PCDHA10: variants seen among roughly 807,000 people sequenced by gnomAD.
PCDHA10 encodes protocadherin alpha 10, also known as protocadherin alpha-10.
Under a neutral mutation model 61.2 loss-of-function variants are expected in PCDHA10, and 45 were observed. The ratio of observed to expected loss-of-function variants is 0.74; its 90% CI spans 0.58 to 0.94. The LOEUF (loss-of-function observed/expected upper bound fraction) is 0.94, where lower values mean the gene tolerates loss of function less well. PCDHA10 is among the 40% of genes least tolerant of loss of function. The pLI, the probability that PCDHA10 is intolerant of heterozygous loss-of-function variation, is 0.00. For synonymous variants in PCDHA10, 602 were observed against 548.8 expected (o/e 1.10, Z -1.35); for missense variants, 1,278 against 1,236.2 (o/e 1.03, Z -0.51).
chr5:140,870,736 A>G lies in PCDHA10; in HGVS notation c.2388+12300A>G, dbSNP rs201357017. ...GCGCGATGCGGGCGTGCCGCCTCTG[A>G]GCAGCAACGTGACGCTGCAGGTGTT... On this transcript the variant is annotated intron_variant, in intron 1 of 3. Transcript: ENST00000307360. 8.7e-4 allele frequency: 1,399 copies of G among 1,613,426 alleles called. 10 individuals carry two copies. In the African/African-American group the frequency reaches 0.015, roughly 17 times the overall value.
At chr5:140,877,103 C>T (rs782607272) in intron 1 of PCDHA10, 7 of 1,613,552 alleles carry the variant, frequency 4.3e-6, no homozygotes, top group Non-Finnish European at 5.9e-6. Flanking sequence ...GGCGTGCCGC[C>T]TCTGGGCAGC....
chr5:140,950,826 G>A (rs1554219646), intron 1 of PCDHA10, among the ~76,000 whole-genome samples: 1 of 151,824 alleles, frequency 6.6e-6, no homozygotes, highest in African/African-American at 2.4e-5. Flanking sequence ...TTAAAGTTTG[G>A]TCCTTTAAGA....
At chr5:140,910,699 C>T (rs2075133738) in intron 1 of PCDHA10, among the ~76,000 whole-genome samples, 1 of 152,180 alleles carries the variant, frequency 6.6e-6, no homozygotes. Flanking sequence ...AGCTTGCTCA[C>T]AGTGGGCCAT....
chr5:140,998,781 C>G (rs1554256464), intron 3 of PCDHA10, among the ~76,000 whole-genome samples: 1 of 152,162 alleles, frequency 6.6e-6, no homozygotes, highest in East Asian at 1.9e-4. Context: ...TCAGGCTGGT[C>G]TGGAACCCCT....
chr5:140,978,894 C>G, intron 1 of PCDHA10, 55 bp from the exon 2 acceptor site: 1 of 1,612,598 alleles, frequency 6.2e-7, no homozygotes, highest in South Asian at 1.1e-5. Flanking sequence ...AGCAGCATTC[C>G]TGGGAGAACA....
At chr5:140,858,633 TTTGA>T (rs1554151907) in intron 1 of PCDHA10, 197 bp downstream of exon 1, 1 of 1,010,458 alleles carries the variant, frequency 9.9e-7, no homozygotes, top group Non-Finnish European at 1.4e-6. Context: ...TGTGTCAGCC[TTTGA>T]TTGGTACTTA....
rs1395280300 is a variant in PCDHA10, at chr5:140,857,152, T to C, written c.1104T>C (p.Ile368=). The part of the protein sequence containing the change: ...VKEDAQVGTV[I]ALISVSDHDS... ...AAGATGCTCAAGTGGGCACCGTCAT[T>C]GCCCTAATCAGCGTTTCTGACCATG... Residue 368 remains isoleucine, a synonymous_variant, in exon 1 of 4, where the codon ATT becomes ATC. Coordinates refer to ENST00000307360, the MANE Select transcript of PCDHA10 (RefSeq NM_018901.4). The C allele has an allele frequency of 3.8e-6, 6 of 1,598,324 alleles. 1 individual carries two copies. In the Admixed American group the frequency reaches 8.4e-5, roughly 22 times the overall value.
chr5:140,857,428 G>A lies in PCDHA10; in HGVS notation c.1380G>A (p.Thr460=), dbSNP rs782142394. The change falls in exon 1 of 4, where the codon ACG becomes ACA. Residue 460 remains threonine, a synonymous_variant. Coordinates refer to ENST00000307360, the MANE Select transcript of PCDHA10 (RefSeq NM_018901.4). ...CTGCGTTCGCGCAGTCCGAGTACACGGTGTTCGTGAAGGAGAACAACCCGC... is the reference window on the plus strand; with the variant it reads ...CTGCGTTCGCGCAGTCCGAGTACACAGTGTTCGTGAAGGAGAACAACCCGC... The part of the protein sequence containing the change: ...NAPAFAQSEY[T]VFVKENNPPG... The A allele has an allele frequency of 3.8e-6, 6 of 1,598,456 alleles. 1 individual carries two copies. Among genetic ancestry groups the A allele is most frequent in the Non-Finnish European group, 5.1e-6 (6 of 1,167,860 alleles).
At chr5:140,978,713 A>G (rs2096819329) in intron 1 of PCDHA10, among the ~76,000 whole-genome samples, 1 of 152,272 alleles carries the variant, frequency 6.6e-6, no homozygotes, top group Admixed American at 6.5e-5. Flanking sequence ...GGCCTTTACA[A>G]GATTATTAAA....
At position 140,882,346 on chromosome 5, in the gene PCDHA10, G is replaced by C. The variant is rs146510190; in HGVS notation, c.2388+23910G>C. 1,878 of 1,614,194 alleles carry C rather than the reference G, an allele frequency of 1.2e-3. 37 individuals are homozygous for C. In the South Asian group the frequency reaches 0.019, roughly 17 times the overall value. On this transcript the variant is annotated intron_variant, in intron 1 of 3. Transcript: ENST00000307360. ...TTCTGATCCTCGCAGCCTGGGAGAC[G>C]GGTAGTGGCCAGCTCCACTACTCCG...
chr5:140,948,763 C>T (rs1195337502), intron 1 of PCDHA10, among the ~76,000 whole-genome samples: 4 of 151,102 alleles, frequency 2.6e-5, no homozygotes, highest in Non-Finnish European at 4.4e-5. Flanking sequence ...TGATTTTTTT[C>T]GAATAGCCAG....
intron 1 of PCDHA10, among the ~76,000 whole-genome samples, chr5:140,914,691 T>G (rs1300550753): frequency 6.6e-6 from 1 of 152,130 alleles, no homozygotes; most frequent in Non-Finnish European, 1.5e-5. Flanking sequence ...TTTTCTCTGG[T>G]GGTATGATTT....
intron 1 of PCDHA10, chr5:140,870,869 T>C (rs371526005): frequency 8.1e-6 from 13 of 1,613,770 alleles, no homozygotes; most frequent in Non-Finnish European, 1.1e-5. Context: ...GCGGGCCACG[T>C]GGTGGCGAAG....
chr5:140,882,565 C>A (rs782122682), intron 1 of PCDHA10: 9 of 1,614,118 alleles, frequency 5.6e-6, no homozygotes, highest in African/African-American at 2.7e-5. Flanking sequence ...GTGGGCGGAG[C>A]GCGGAGTGCA....
chr5:140,903,760 C>T (rs1252310927), intron 1 of PCDHA10, among the ~76,000 whole-genome samples: 2 of 152,108 alleles, frequency 1.3e-5, no homozygotes, highest in Non-Finnish European at 2.9e-5. Flanking sequence ...TTGATTTTTG[C>T]TGAACTTTTC....
intron 1 of PCDHA10, among the ~76,000 whole-genome samples, chr5:140,975,810 A>T (rs1310331964): frequency 7.4e-6 from 1 of 134,690 alleles, no homozygotes; most frequent in African/African-American, 2.5e-5. Context: ...TTATAATTTT[A>T]ATAGGAACTG....
intron 1 of PCDHA10, chr5:140,877,223 C>G: frequency 6.2e-7 from 1 of 1,613,714 alleles, no homozygotes; most frequent in Non-Finnish European, 8.5e-7. Flanking sequence ...GTACCGCGGT[C>G]GGTGGGTGCG....
chr5:140,884,514 C>A (rs368331245), intron 1 of PCDHA10: 13 of 1,614,176 alleles, frequency 8.1e-6, no homozygotes, highest in East Asian at 2.2e-5. Context: ...GGGAGTTGGT[C>A]GTACTCGCAG....
chr5:140,900,187 T>C (rs529700623), intron 1 of PCDHA10, among the ~76,000 whole-genome samples: 1 of 152,346 alleles, frequency 6.6e-6, no homozygotes, highest in Non-Finnish European at 1.5e-5. Context: ...ATGTCACTTA[T>C]AATGACATCC....
Sources: allele counts gnomAD v4.1 joint callset (sites outside exome capture counted in the v4.1 genomes callset), GRCh38; gene constraint gnomAD v4.1.1; transcripts MANE v1.5; gene names NCBI Gene and HGNC (gene_info 2026-07-23, HGNC 2026-07-21).